Variants in RUNDC3B observed in about 807,000 individuals in gnomAD.
RUNDC3B encodes the protein RUN domain-containing protein 3B.
A neutral mutation model predicts 58.4 loss-of-function variants in RUNDC3B; 33 were observed. The ratio of observed to expected loss-of-function variants is 0.56; its 90% CI spans 0.43 to 0.75. RUNDC3B has a LOEUF of 0.75. Ranked by LOEUF, RUNDC3B falls within the 30% of genes least tolerant of loss-of-function variation. The pLI is 0.00. For synonymous variants in RUNDC3B, 193 were observed against 195.2 expected (o/e 0.99, Z 0.10); for missense variants, 501 against 535.7 (o/e 0.94, Z 0.64).
intron 4 of RUNDC3B, among the ~76,000 whole-genome samples, chr7:87,731,222 C>T (rs1831557953): frequency 6.6e-6 from 1 of 152,000 alleles, no homozygotes; most frequent in Non-Finnish European, 1.5e-5. Flanking sequence ...AAAATATGAT[C>T]TCACCGAATG....
At chr7:87,754,402 G>C (rs1356394193) in intron 6 of RUNDC3B, among the ~76,000 whole-genome samples, 1 of 152,130 alleles carries the variant, frequency 6.6e-6, no homozygotes, top group Non-Finnish European at 1.5e-5. Context: ...TGAGAACAAA[G>C]ATACAACATA....
At chr7:87,646,765 A>G (rs1291605802) in intron 1 of RUNDC3B, among the ~76,000 whole-genome samples, 1 of 152,072 alleles carries the variant, frequency 6.6e-6, no homozygotes, top group Non-Finnish European at 1.5e-5. Context: ...ATTCTTGTGT[A>G]TTGTCACTGA....
chr7:87,651,247 T>C (rs1399169213), intron 2 of RUNDC3B, among the ~76,000 whole-genome samples: 1 of 152,172 alleles, frequency 6.6e-6, no homozygotes, highest in Non-Finnish European at 1.5e-5. Flanking sequence ...TTTTAATCAA[T>C]TTACAGAGAA....
At chr7:87,789,169 A>T (rs1285901335) in intron 8 of RUNDC3B, among the ~76,000 whole-genome samples, 2 of 152,208 alleles carry the variant, frequency 1.3e-5, no homozygotes. Flanking sequence ...GCAAAGCTTG[A>T]ACACATTTGT....
intron 3 of RUNDC3B, among the ~76,000 whole-genome samples, chr7:87,703,915 T>TTTTTTTTTTTTTTTTTTTTTTTTG (rs1829354102): frequency 5.4e-5 from 1 of 18,530 alleles, no homozygotes; most frequent in Non-Finnish European, 1.1e-4. Context: ...TTTTTTTTGG[T>TTTTTTTTTTTTTTTTTTTTTTTTG]TTTTTTTTTT....
At chr7:87,773,658 C>CTTGTCTTGTT (rs376726869) in intron 7 of RUNDC3B, among the ~76,000 whole-genome samples, 413 of 147,288 alleles carry the variant, frequency 2.8e-3, no homozygotes, top group Non-Finnish European at 3.5e-3. Context: ...TTTGTCTTGT[C>CTTGTCTTGTT]TTGTTTTGTT....
In RUNDC3B at chr7:87,710,679, T is replaced by C. The variant is rs766986296; in HGVS notation, c.458+24T>C. On this transcript the variant is annotated intron_variant, in intron 4 of 10. Coordinates refer to ENST00000394654, the MANE Select transcript of RUNDC3B (RefSeq NM_001134405.2). ...AGGTTTAAAAGTCCTTTTAATTTTC[T>C]AATATATATTTGAAAGAATCACCTG... The C allele has an allele frequency of 3.1e-6, 4 of 1,282,828 alleles. No homozygotes were observed. In the South Asian group the frequency reaches 5.2e-5, roughly 17 times the overall value. The allele number at this position is 1,282,828 out of a possible 1,614,324, so 79.5% of individuals were successfully genotyped here.
chr7:87,676,993 T>A (rs896903864), intron 2 of RUNDC3B, among the ~76,000 whole-genome samples: 2 of 151,998 alleles, frequency 1.3e-5, no homozygotes. Flanking sequence ...TTGGCAAGGA[T>A]GTGGAGAAAA....
intron 10 of RUNDC3B, among the ~76,000 whole-genome samples, chr7:87,819,602 C>A (rs1440827152): frequency 1.3e-5 from 2 of 151,276 alleles, no homozygotes; most frequent in East Asian, 3.9e-4. Context: ...CAGCACCACA[C>A]CACACCTATT....
At chr7:87,761,133 A>G (rs1208896723) in intron 6 of RUNDC3B, among the ~76,000 whole-genome samples, 1 of 151,930 alleles carries the variant, frequency 6.6e-6, no homozygotes, top group Non-Finnish European at 1.5e-5. Flanking sequence ...TTGGCAACAC[A>G]AATATAAACA....
chr7:87,703,257 T>C (rs1829254052), intron 3 of RUNDC3B, among the ~76,000 whole-genome samples: 1 of 152,196 alleles, frequency 6.6e-6, no homozygotes, highest in African/African-American at 2.4e-5. Context: ...TTAGGATTTT[T>C]TTTTTCTTTT....
At chr7:87,806,751 G>T (rs1836454598) in intron 8 of RUNDC3B, among the ~76,000 whole-genome samples, 1 of 152,108 alleles carries the variant, frequency 6.6e-6, no homozygotes, top group African/African-American at 2.4e-5. Flanking sequence ...ATACTGCTCA[G>T]TGTAGTTGTC....
Position 87,741,576 on chromosome 7 carries a change from A to G in RUNDC3B, c.626A>G (p.Gln209Arg). The G allele has an allele frequency of 6.5e-7, 1 of 1,532,938 alleles. No homozygotes were observed. Among genetic ancestry groups the G allele is most frequent in the Non-Finnish European group, 9.0e-7 (1 of 1,115,634 alleles). 95.0% of individuals were successfully genotyped at this position (1,532,938 alleles called of 1,614,324 possible). ...TATACACCATATTTGAAGTATATCC[A>G]AAGGTATGTGACATTTTGAGATATG... ...IDYTPYLKYIQSSDSISSDEE... is the reference protein window; with the variant it reads ...IDYTPYLKYIRSSDSISSDEE... Residue 209 changes from glutamine to arginine, a missense_variant, in exon 6 of 11, where the codon CAA (glutamine) becomes CGA (arginine). Gln to Arg is a conservative substitution (Grantham distance 43). Coordinates refer to ENST00000394654, the MANE Select transcript of RUNDC3B (RefSeq NM_001134405.2).
intron 6 of RUNDC3B, among the ~76,000 whole-genome samples, chr7:87,765,143 G>T (rs572908147): frequency 3.3e-5 from 5 of 151,738 alleles, no homozygotes; most frequent in Non-Finnish European, 7.4e-5. Context: ...CAGCTGTAAT[G>T]TAACCGTTAT....
chr7:87,787,022 T>C (rs185343951), intron 8 of RUNDC3B, among the ~76,000 whole-genome samples: 114 of 152,312 alleles, frequency 7.5e-4, no homozygotes, highest in African/African-American at 2.7e-3. Context: ...TTTACTTTCA[T>C]ATAGTATGGC....
chr7:87,697,561 A>G lies in RUNDC3B; in HGVS notation c.239-2860A>G, dbSNP rs551334710. Among the ~76,000 whole-genome samples the G allele has an allele frequency of 6.6e-5, 10 of 152,364 alleles. No individual in the cohort carries two copies. In the East Asian group the frequency reaches 1.9e-3, roughly 29 times the overall value. ...GATTTCTCTAGATTCCAAAGCAAGT[A>G]ATGTGAAGAATTTAACTTTGCATCT... On this transcript the variant is annotated intron_variant, in intron 2 of 10. Transcript: ENST00000394654.
At chr7:87,732,659 G>T (rs929746043) in intron 4 of RUNDC3B, among the ~76,000 whole-genome samples, 6 of 152,114 alleles carry the variant, frequency 3.9e-5, no homozygotes, top group African/African-American at 1.4e-4. Context: ...ACTGCCTTCT[G>T]GTCCCGTGGT....
intron 4 of RUNDC3B, among the ~76,000 whole-genome samples, chr7:87,730,542 G>C (rs990381373): frequency 5.9e-5 from 9 of 152,026 alleles, no homozygotes; most frequent in Non-Finnish European, 8.8e-5. Context: ...CTCAGCCACA[G>C]TAGAATAGAG....
chr7:87,644,493 A>G (rs991641857), intron 1 of RUNDC3B, among the ~76,000 whole-genome samples: 1 of 152,246 alleles, frequency 6.6e-6, no homozygotes, highest in Admixed American at 6.5e-5. Context: ...CTTACGTTCT[A>G]TTAAAAACAT....
Sources: allele counts gnomAD v4.1 joint callset (sites outside exome capture counted in the v4.1 genomes callset), GRCh38; gene constraint gnomAD v4.1.1; transcripts MANE v1.5; gene names NCBI Gene and HGNC (gene_info 2026-07-23, HGNC 2026-07-21).